PCDHA5: variants seen among roughly 807,000 people sequenced by gnomAD.
PCDHA5 encodes the protein protocadherin alpha-5.
In PCDHA5, 43 loss-of-function variants were observed where a neutral mutation model predicts 61.6. The ratio of observed to expected loss-of-function variants is 0.70; its 90% confidence interval spans 0.55 to 0.90. PCDHA5 has a LOEUF of 0.90. Among genes scored for constraint, PCDHA5 ranks in the 40% least tolerant of loss-of-function variants. PCDHA5 has a pLI of 0.00. For synonymous variants in PCDHA5, 627 were observed against 543.9 expected (o/e 1.15, Z -2.13); for missense variants, 1,298 against 1,222.7 (o/e 1.06, Z -0.92).
chr5:140,975,890 T>C (rs542825387), intron 1 of PCDHA5, among the ~76,000 whole-genome samples: 1 of 152,310 alleles, frequency 6.6e-6, no homozygotes, highest in South Asian at 2.1e-4. Flanking sequence ...TTTCCACATA[T>C]GGAGTTTTGT....
chr5:140,849,816 G>T lies in PCDHA5; in HGVS notation c.2352+25689G>T, dbSNP rs2150451582. ...GCCTTCACTGTGGGCCACGGCCAGG[G>T]TGTCTGTGGAGGTGGCCGACGTGAA... On this transcript the variant is annotated intron_variant, in intron 1 of 3. Transcript: ENST00000529859. 94 of 1,598,462 alleles carry T rather than the reference G, an allele frequency of 5.9e-5. 8 individuals are homozygous for T. Among genetic ancestry groups the T allele is most frequent in the Admixed American group, 5.1e-5 (3 of 59,318 alleles).
rs371820170 is a variant in PCDHA5, at chr5:140,871,346, C to T, written c.2352+47219C>T. 1.1e-5 allele frequency: 17 copies of T among 1,614,104 alleles called. No homozygotes were observed. Among genetic ancestry groups the T allele is most frequent in the African/African-American group, 4.0e-5 (3 of 74,954 alleles). ...TGCTCCCGCGCGGTGGGGAGCTGGT[C>T]ATACTCGCAGCAGAGGCGGCAGAGG... is the stretch of plus-strand genomic sequence containing the variant. On this transcript the variant is annotated intron_variant, in intron 1 of 3. Transcript: ENST00000529859.
intron 3 of PCDHA5, 94 bp from the exon 4 acceptor site, chr5:141,009,533 G>C: frequency 1.3e-6 from 2 of 1,509,446 alleles, no homozygotes; most frequent in Non-Finnish European, 1.8e-6. Context: ...GGGAGGTTCA[G>C]CCTGCCTATG....
Position 140,917,790 on chromosome 5 carries a change from A to G in PCDHA5, c.2353-61159A>G, listed in dbSNP as rs540599117. The stretch of plus-strand genomic sequence containing the variant: ...GTATTAGTACCATGTTGTTTTGGTT[A>G]CTGTAGCCTTGCAGTATAGTTGAAG... On this transcript the variant is annotated intron_variant, in intron 1 of 3. Coordinates refer to ENST00000529859, the MANE Select transcript of PCDHA5 (RefSeq NM_018908.3). Among the ~76,000 whole-genome samples the G allele has an allele frequency of 4.6e-5, 7 of 152,046 alleles. No homozygotes were observed. In the East Asian group the frequency reaches 1.2e-3, roughly 25 times the overall value.
intron 1 of PCDHA5, chr5:140,870,474 C>T (rs1554164302): frequency 6.2e-7 from 1 of 1,614,218 alleles, no homozygotes; most frequent in Non-Finnish European, 8.5e-7. Context: ...TCGCACAGCC[C>T]GAGTACACCG....
chr5:140,829,704 G>A, intron 1 of PCDHA5: 2 of 1,613,434 alleles, frequency 1.2e-6, no homozygotes, highest in Non-Finnish European at 8.5e-7. Flanking sequence ...GTGAGCGCGC[G>A]CGACGCGGGC....
intron 1 of PCDHA5, chr5:140,843,068 C>A (rs1345239073): frequency 1.9e-6 from 3 of 1,595,102 alleles, no homozygotes; most frequent in Admixed American, 1.7e-5. Flanking sequence ...GCTGGTGCCG[C>A]GGTCTGTGGG....
At chr5:140,828,805 T>G in intron 1 of PCDHA5, 1 of 1,614,212 alleles carries the variant, frequency 6.2e-7, no homozygotes, top group Non-Finnish European at 8.5e-7. Context: ...TGAATGATAA[T>G]GCTCCCACTT....
intron 1 of PCDHA5, chr5:140,967,680 GGCAGCTCTTCA>G: frequency 6.2e-7 from 1 of 1,614,228 alleles, no homozygotes; most frequent in East Asian, 2.2e-5. Flanking sequence ...GACCGGGAGA[GGCAGCTCTTCA>G]GCATAGATGC....
intron 1 of PCDHA5, among the ~76,000 whole-genome samples, chr5:140,845,069 G>A (rs1323503087): frequency 6.7e-6 from 1 of 149,464 alleles, no homozygotes; most frequent in Non-Finnish European, 1.5e-5. Context: ...CCTCAAAGCA[G>A]CATTGTTTTG....
rs2098422979 is a variant in PCDHA5, at chr5:141,012,116, T to C, written c.*2179T>C. The C allele has an allele frequency of 6.5e-6, 1 of 153,756 alleles. No individual in the cohort carries two copies. Among genetic ancestry groups the C allele is most frequent in the African/African-American group, 2.4e-5 (1 of 41,464 alleles). The allele number at this position is 153,756 out of a possible 1,614,324, so 9.5% of individuals were successfully genotyped here. ...GATCATTTTGCCCCACTGAAGCCCA[T>C]GTATCTGACCTTACGTGCCTTTTGA... On this transcript the variant is annotated 3_prime_UTR_variant, in exon 4 of 4. Coordinates refer to ENST00000529859, the MANE Select transcript of PCDHA5 (RefSeq NM_018908.3).
chr5:140,844,884 G>A (rs1389205077), intron 1 of PCDHA5, among the ~76,000 whole-genome samples: 2 of 149,232 alleles, frequency 1.3e-5, no homozygotes, highest in South Asian at 2.1e-4. Context: ...ATTAGACTTC[G>A]TGCATATTGC....
chr5:140,852,903 G>A, intron 1 of PCDHA5: 1 of 833,182 alleles, frequency 1.2e-6, no homozygotes, highest in South Asian at 5.4e-5. Flanking sequence ...TTTTGAGTCA[G>A]AGTCTCGCTC....
rs2150415705 is a variant in PCDHA5 at position 140,848,636 on chromosome 5, C to G, written c.2352+24509C>G. 17 of 1,593,284 alleles carry G rather than the reference C, an allele frequency of 1.1e-5. 2 individuals carry two copies. The highest frequency in any genetic ancestry group is 6.7e-5 in the African/African-American group (5 of 74,384). On this transcript the variant is annotated intron_variant, in intron 1 of 3. Transcript: ENST00000529859. Reference sequence around the variant, plus strand: ...CCGAACACGGCACCTTCGTGGGCCGCATCGCGCAGGACCTGGGGCTGGAGC... The same window carrying G: ...CCGAACACGGCACCTTCGTGGGCCGGATCGCGCAGGACCTGGGGCTGGAGC...
chr5:140,946,613 T>A (rs1300820927), intron 1 of PCDHA5, among the ~76,000 whole-genome samples: 1 of 116,702 alleles, frequency 8.6e-6, no homozygotes, highest in South Asian at 2.6e-4. Context: ...AAATGTGAAA[T>A]ATATATATAT....
At chr5:140,878,899 G>T (rs1301967468) in intron 1 of PCDHA5, among the ~76,000 whole-genome samples, 2 of 152,152 alleles carry the variant, frequency 1.3e-5, no homozygotes, top group Non-Finnish European at 2.9e-5. Context: ...CTACAGGCAG[G>T]CTCCACCACT....
chr5:140,882,748 A>G (rs1562779294), intron 1 of PCDHA5: 1 of 1,614,258 alleles, frequency 6.2e-7, no homozygotes, highest in Non-Finnish European at 8.5e-7. Flanking sequence ...CATCCGATGC[A>G]GATATTGGAG....
Position 141,009,626 on chromosome 5 carries a change from G to C in PCDHA5, c.2501-1G>C, listed in dbSNP as rs782621388. The C allele has an allele frequency of 1.9e-6, 3 of 1,612,816 alleles. No individual in the cohort carries two copies. Among genetic ancestry groups the C allele is most frequent in the Non-Finnish European group, 2.5e-6 (3 of 1,179,228 alleles). On this transcript the variant is annotated splice_acceptor_variant, in intron 3 of 3. Transcript: ENST00000529859. LOFTEE classifies it high-confidence loss of function. ...ATGATTTGTAATGTTTTGTCTTTCA[G>C]AACCAGAGGCAGGAGAAGTGTCCCC...
At chr5:140,939,973 A>G (rs782675791) in intron 1 of PCDHA5, among the ~76,000 whole-genome samples, 4 of 152,234 alleles carry the variant, frequency 2.6e-5, no homozygotes, top group Non-Finnish European at 4.4e-5. Flanking sequence ...TCCACGATGA[A>G]TAGTGAATTG....
Sources: allele counts gnomAD v4.1 joint callset (sites outside exome capture counted in the v4.1 genomes callset), GRCh38; gene constraint gnomAD v4.1.1; transcripts MANE v1.5; gene names NCBI Gene and HGNC (gene_info 2026-07-23, HGNC 2026-07-21).